The following DYM variants were observed in gnomAD, a reference collection of about 807,000 sequenced individuals.
The protein encoded by DYM is dyggve-Melchior-Clausen syndrome protein.
DYM carries 78 observed loss-of-function variants against 93.1 expected under a neutral mutation model. That is an observed-to-expected ratio of 0.84 (90% CI 0.70 to 1.01). The LOEUF (loss-of-function observed/expected upper bound fraction) is 1.01. Ranked by LOEUF, DYM falls within the 50% of genes least tolerant of loss-of-function variation. The pLI is 0.00. For missense variants in DYM, 789 were observed against 845.0 expected (o/e 0.93, Z 0.82); for synonymous variants, 321 against 319.7 (o/e 1.00, Z -0.04).
rs71165370 is a variant in DYM, at chr18:49,203,871, TAAAAAAAAAAAA to T, written c.1625+5668_1625+5679del. 9.1e-4 allele frequency among the ~76,000 whole-genome samples: 58 copies of T among 63,550 alleles called. 1 individual carries two copies. Among genetic ancestry groups the T allele is most frequent in the Non-Finnish European group, 1.2e-3 (44 of 35,266 alleles). The allele number at this position is 63,550 out of a possible 152,430, so 41.7% of individuals were successfully genotyped here. ...CAATAAAAAAATAAATTTAAAAAAGTAAAAAAAAAAAAAAAAAAAAAAAAAAACAACTCTGGG... is the reference window on the plus strand; with the variant it reads ...CAATAAAAAAATAAATTTAAAAAAGTAAAAAAAAAAAAAAACAACTCTGGG... On this transcript the variant is annotated intron_variant, in intron 14 of 17. Transcript: ENST00000675505.
chr18:49,434,450 G>A (rs1189667817), intron 1 of DYM, among the ~76,000 whole-genome samples: 1 of 152,082 alleles, frequency 6.6e-6, no homozygotes, highest in Non-Finnish European at 1.5e-5. Context: ...AACCTGGGAG[G>A]CGGAGGTTGC....
chr18:49,089,758 T>G (rs1000933115), intron 17 of DYM, among the ~76,000 whole-genome samples: 1 of 152,220 alleles, frequency 6.6e-6, no homozygotes. Flanking sequence ...GAGAATTCTC[T>G]TGAAATCCTC....
chr18:49,301,361 A>T (rs1298360432), intron 8 of DYM, among the ~76,000 whole-genome samples: 1 of 152,088 alleles, frequency 6.6e-6, no homozygotes, highest in East Asian at 1.9e-4. Context: ...TCTACTAAAA[A>T]TACAAAAAAA....
intron 8 of DYM, among the ~76,000 whole-genome samples, chr18:49,303,788 C>T (rs528750911): frequency 5.6e-4 from 85 of 152,320 alleles, no homozygotes; most frequent in South Asian, 1.9e-3. Context: ...ATTTTTACTA[C>T]TATGATTAAT....
At chr18:49,169,379 C>T (rs1003089678) in intron 14 of DYM, among the ~76,000 whole-genome samples, 5 of 152,168 alleles carry the variant, frequency 3.3e-5, no homozygotes, top group Non-Finnish European at 7.3e-5. Context: ...AATACGAGTC[C>T]TGTGGGTGGG....
chr18:49,303,742 C>A (rs1336253693), intron 8 of DYM, among the ~76,000 whole-genome samples: 2 of 152,190 alleles, frequency 1.3e-5, no homozygotes, highest in African/African-American at 4.8e-5. Flanking sequence ...TATATTCATA[C>A]AAATGAATGG....
At chr18:49,336,137 C>T (rs763102687) in intron 6 of DYM, among the ~76,000 whole-genome samples, 1 of 152,140 alleles carries the variant, frequency 6.6e-6, no homozygotes, top group Non-Finnish European at 1.5e-5. Context: ...GTCATTGCAT[C>T]AATAATAAAG....
intron 1 of DYM, among the ~76,000 whole-genome samples, chr18:49,444,375 C>T (rs929283859): frequency 2.0e-5 from 3 of 152,166 alleles, no homozygotes; most frequent in Admixed American, 6.5e-5. Flanking sequence ...GAATGACCCT[C>T]AACTACTATT....
intron 2 of DYM, among the ~76,000 whole-genome samples, chr18:49,401,144 T>C (rs2070768174): frequency 6.6e-6 from 1 of 152,192 alleles, no homozygotes; most frequent in Admixed American, 6.5e-5. Flanking sequence ...GTTTAATGCA[T>C]ACATAAATTC....
At chr18:49,381,220 C>T (rs2068016972) in intron 3 of DYM, among the ~76,000 whole-genome samples, 1 of 152,014 alleles carries the variant, frequency 6.6e-6, no homozygotes, top group Non-Finnish European at 1.5e-5. Flanking sequence ...TATATTTGAA[C>T]TTACTGAAAT....
chr18:49,401,058 A>G (rs1236588390), intron 2 of DYM, among the ~76,000 whole-genome samples: 1 of 152,208 alleles, frequency 6.6e-6, no homozygotes, highest in East Asian at 1.9e-4. Flanking sequence ...GTAAAAACAC[A>G]CAAAAGGGGG....
chr18:49,064,553 C>T (rs1451409687), intron 17 of DYM, among the ~76,000 whole-genome samples: 5 of 152,074 alleles, frequency 3.3e-5, no homozygotes, highest in Non-Finnish European at 7.4e-5. Context: ...TTCTGAGGGC[C>T]GCTCTATGAT....
intron 17 of DYM, among the ~76,000 whole-genome samples, chr18:49,061,989 AG>A (rs2076017390): frequency 6.6e-6 from 1 of 152,194 alleles, no homozygotes; most frequent in East Asian, 1.9e-4. Context: ...TCTTTGAGCC[AG>A]TTTGCCTCTG....
chr18:49,433,344 G>A (rs2080511102), intron 1 of DYM, among the ~76,000 whole-genome samples: 1 of 152,116 alleles, frequency 6.6e-6, no homozygotes, highest in South Asian at 2.1e-4. Flanking sequence ...TTCAAGAAAG[G>A]TCATGTAATC....
At chr18:49,250,547 T>C (rs111327878) in intron 13 of DYM, among the ~76,000 whole-genome samples, 43 of 152,236 alleles carry the variant, frequency 2.8e-4, no homozygotes, top group African/African-American at 8.9e-4. Flanking sequence ...GCCAAATGGG[T>C]TCTTTCTCTT....
chr18:49,082,246 T>G (rs995139317), intron 17 of DYM, among the ~76,000 whole-genome samples: 1 of 152,254 alleles, frequency 6.6e-6, no homozygotes, highest in Admixed American at 6.5e-5. Flanking sequence ...GAAATAGAAA[T>G]GTATGTATAT....
intron 8 of DYM, among the ~76,000 whole-genome samples, chr18:49,303,266 C>A (rs557192466): frequency 6.6e-6 from 1 of 152,200 alleles, no homozygotes; most frequent in Non-Finnish European, 1.5e-5. Context: ...CTTCAACAAG[C>A]ATTCACTAAA....
At chr18:49,102,552 G>A (rs1401185976) in intron 16 of DYM, among the ~76,000 whole-genome samples, 1 of 152,110 alleles carries the variant, frequency 6.6e-6, no homozygotes, top group East Asian at 1.9e-4. Flanking sequence ...ATCTCCAAAT[G>A]CTATCCGTCC....
intron 6 of DYM, among the ~76,000 whole-genome samples, chr18:49,362,759 C>T (rs2066145199): frequency 6.6e-6 from 1 of 152,156 alleles, no homozygotes; most frequent in Non-Finnish European, 1.5e-5. Context: ...GAAACGAAAA[C>T]CTGGCTTCAA....
Sources: allele counts gnomAD v4.1 joint callset (sites outside exome capture counted in the v4.1 genomes callset), GRCh38; gene constraint gnomAD v4.1.1; transcripts MANE v1.5; gene names NCBI Gene and HGNC (gene_info 2026-07-23, HGNC 2026-07-21).